LRP8: variants seen among roughly 807,000 people sequenced by gnomAD.
LRP8 encodes the protein LDL receptor related protein 8, also known as low-density lipoprotein receptor-related protein 8.
A neutral mutation model predicts 111.6 loss-of-function variants in LRP8; 46 were observed. The ratio of observed to expected loss-of-function variants is 0.41; its 90% CI spans 0.33 to 0.53. LRP8 has a LOEUF of 0.53. LRP8 is among the 20% of genes least tolerant of loss of function. The probability of loss-of-function intolerance (pLI) is 0.20; values close to 1 mark genes in which losing one functional copy is unlikely to be tolerated. For missense variants in LRP8, 959 were observed against 1,297.4 expected (o/e 0.74, Z 4.01); for synonymous variants, 464 against 511.2 (o/e 0.91, Z 1.24).
intron 8 of LRP8, among the ~76,000 whole-genome samples, chr1:53,269,530 G>A (rs1421186518): frequency 1.3e-5 from 2 of 151,916 alleles, no homozygotes; most frequent in Non-Finnish European, 2.9e-5. Context: ...GCCCAGACTA[G>A]TCTTGAACTC....
chr1:53,264,479 C>T, intron 9 of LRP8, 83 bp from the exon 10 acceptor site: 1 of 1,082,246 alleles, frequency 9.2e-7, no homozygotes, highest in Non-Finnish European at 1.4e-6. Context: ...CTTCCCCTCT[C>T]TTCCATCTGG....
At chr1:53,282,764 C>T (rs1314096291) in intron 3 of LRP8, among the ~76,000 whole-genome samples, 1 of 152,126 alleles carries the variant, frequency 6.6e-6, no homozygotes, top group East Asian at 1.9e-4. Context: ...TATTTGGGAA[C>T]CCCTGGGTTG....
chr1:53,265,823 T>C (rs1238058833), intron 9 of LRP8, among the ~76,000 whole-genome samples: 1 of 152,244 alleles, frequency 6.6e-6, no homozygotes, highest in African/African-American at 2.4e-5. Context: ...AGAAAGGACA[T>C]GACTGCCTGA....
At chr1:53,272,013 G>A (rs1044624188) in intron 6 of LRP8, among the ~76,000 whole-genome samples, 1 of 151,906 alleles carries the variant, frequency 6.6e-6, no homozygotes, top group East Asian at 1.9e-4. Flanking sequence ...TCTGGACAGG[G>A]CCCAGAGCTA....
chr1:53,248,525 G>C (rs906908497), intron 18 of LRP8, among the ~76,000 whole-genome samples: 1 of 152,210 alleles, frequency 6.6e-6, no homozygotes, highest in African/African-American at 2.4e-5. Flanking sequence ...TTGAATTCTG[G>C]TTCTGCCACT....
At position 53,260,516 on chromosome 1, in the gene LRP8, G is replaced by A. The variant is rs757752881; in HGVS notation, c.2004C>T (p.Asn668=). 6.2e-7 allele frequency: 1 copy of A among 1,614,216 alleles called. No homozygotes were observed. Among genetic ancestry groups the A allele is most frequent in the Admixed American group, 1.7e-5 (1 of 60,032 alleles). The change falls in exon 13 of 19, where the codon AAC becomes AAT. Residue 668 remains asparagine (N), a synonymous_variant. Coordinates refer to ENST00000306052, the MANE Select transcript of LRP8 (RefSeq NM_004631.5). ...TGACAATGTCATGTGGGTTGTTGAG[G>A]TTCTCAGCCAGGATGGAGATTTCCA... ...NGLEISILAE[N]LNNPHDIVIF... is the part of the protein sequence containing the mutation.
intron 2 of LRP8, among the ~76,000 whole-genome samples, 179 bp downstream of exon 2, chr1:53,326,694 G>T (rs1655173228): frequency 6.6e-6 from 1 of 152,194 alleles, no homozygotes; most frequent in African/African-American, 2.4e-5. Flanking sequence ...GCTCCGGGTC[G>T]CTAAGAGCCA....
At chr1:53,274,813 G>A (rs1428094789) in intron 6 of LRP8, 1 of 456,344 alleles carries the variant, frequency 2.2e-6, no homozygotes, top group Non-Finnish European at 4.4e-6. Context: ...GACCCTCACA[G>A]GGTGACTCTG....
chr1:53,259,544 C>T (rs903919700), intron 13 of LRP8, among the ~76,000 whole-genome samples: 14 of 151,982 alleles, frequency 9.2e-5, no homozygotes, highest in African/African-American at 3.4e-4. Context: ...GACACCTAGG[C>T]TCAAAGAGAA....
chr1:53,248,945 A>G (rs115906127), intron 18 of LRP8, among the ~76,000 whole-genome samples: 60 of 152,380 alleles, frequency 3.9e-4, no homozygotes, highest in African/African-American at 1.4e-3. Context: ...GTGAGCAGAA[A>G]GAAGTGACTG....
chr1:53,265,490 C>T (rs1475725635), intron 9 of LRP8, among the ~76,000 whole-genome samples: 1 of 152,178 alleles, frequency 6.6e-6, no homozygotes, highest in African/African-American at 2.4e-5. Context: ...TGAAACCTCC[C>T]AAGCCAAAAA....
chr1:53,291,062 G>A (rs1648657318), intron 2 of LRP8, among the ~76,000 whole-genome samples: 1 of 152,160 alleles, frequency 6.6e-6, no homozygotes, highest in South Asian at 2.1e-4. Context: ...CGGAGGTCTG[G>A]ATTTGAGACA....
In LRP8 at chr1:53,278,755, CTT is replaced by C. The variant is rs139298983; in HGVS notation, c.497-1679_497-1678del. The stretch of plus-strand genomic sequence containing the variant: ...TTTCTGGGAGTTCTGATGGGAAGTG[CTT>C]TTTTTTTTTTTTTTTTAATTTTCTT... On this transcript the variant is annotated intron_variant, in intron 4 of 18. Coordinates refer to ENST00000306052, the MANE Select transcript of LRP8 (RefSeq NM_004631.5). Among the ~76,000 whole-genome samples, 318 of 135,650 alleles carry C rather than the reference CTT, an allele frequency of 2.3e-3. 3 individuals carry two copies. The highest frequency in any genetic ancestry group is 7.0e-3 in the African/African-American group (250 of 35,702). The allele number at this position is 135,650 out of a possible 152,430, so 89.0% of individuals were successfully genotyped here. A position where few individuals can be genotyped will look rare whatever the true frequency, so the allele number is the denominator to read the frequency against.
At chr1:53,253,805 C>T (rs551522158) in intron 16 of LRP8, among the ~76,000 whole-genome samples, 53 of 152,322 alleles carry the variant, frequency 3.5e-4, no homozygotes, top group Non-Finnish European at 5.1e-4. Flanking sequence ...TTCTACCATC[C>T]CTTCACAAGA....
rs529979718 is a variant in LRP8 at position 53,255,381 on chromosome 1, ATT to A, written c.2435-198_2435-197del. On this transcript the variant is annotated intron_variant, in intron 15 of 18. Coordinates refer to ENST00000306052, the MANE Select transcript of LRP8 (RefSeq NM_004631.5). ...GGCAAGCAGGACAGAGGTTATCTCC[ATT>A]TTACAGGCAAGGAAACTGAGTCTTA... 9.2e-5 allele frequency among the ~76,000 whole-genome samples: 14 copies of A among 152,250 alleles called. No homozygotes were observed. The South Asian group carries it at 2.9e-3, about 32-fold the overall frequency.
rs549507345 is a variant in LRP8 at position 53,250,747 on chromosome 1, T to G, written c.2619A>C (p.Glu873Asp). 7.4e-6 allele frequency: 12 copies of G among 1,613,862 alleles called. No homozygotes were observed. The highest frequency in any genetic ancestry group is 3.3e-4 in the Middle Eastern group (2 of 6,060). ...TCCCTATATGGAGCTCATCTTCGTCTTCTTCTTCTGTTGTTTTCCTGTAGA... is the reference window on the plus strand; with the variant it reads ...TCCCTATATGGAGCTCATCTTCGTCGTCTTCTTCTGTTGTTTTCCTGTAGA... ...NPVYRKTTEE[E>D]DEDELHIGRT... Residue 873 changes from glutamate (E) to aspartate (D), a missense_variant, in exon 17 of 19, where the codon GAA becomes GAC. Physicochemically the swap from Glu to Asp is conservative, Grantham distance 45. This residue lies in a region of LRP8 where 819 missense variants were observed against 1,097.6 expected (regional missense o/e 0.75). Transcript: ENST00000306052. This position sits in a 1 kb window ranked among gnomAD's most constrained non-coding sequence, Gnocchi z 4.6.
At chr1:53,301,656 G>A (rs181777063) in intron 2 of LRP8, among the ~76,000 whole-genome samples, 8 of 152,082 alleles carry the variant, frequency 5.3e-5, no homozygotes, top group Admixed American at 6.5e-5. Flanking sequence ...GCTTGAGCCC[G>A]GGAGGTTGAG....
In LRP8 at chr1:53,328,036, CGCT is replaced by C. The variant is rs1250947282; in HGVS notation, c.-127_-125del. On this transcript the variant is annotated 5_prime_UTR_variant, in exon 1 of 19. Transcript: ENST00000306052. ...CTGCCCCCGCCGCCGCCGCCGCCGC[CGCT>C]GCCGCCCGCCCCGGCTCCTCGGCTG... is the stretch of plus-strand genomic sequence containing the variant. 963 of 391,842 alleles carry C rather than the reference CGCT, an allele frequency of 2.5e-3. 3 individuals carry two copies. The highest frequency in any genetic ancestry group is 2.6e-3 in the Non-Finnish European group (757 of 290,038). The allele number at this position is 391,842 out of a possible 1,614,324, so 24.3% of individuals were successfully genotyped here.
At chr1:53,320,936 G>T (rs1037167715) in intron 2 of LRP8, among the ~76,000 whole-genome samples, 1 of 152,196 alleles carries the variant, frequency 6.6e-6, no homozygotes, top group East Asian at 1.9e-4. Context: ...CCACTTAATG[G>T]TCATGACATT....
Sources: allele counts gnomAD v4.1 joint callset (sites outside exome capture counted in the v4.1 genomes callset), GRCh38; gene constraint gnomAD v4.1.1; regional missense constraint gnomAD v4.1.1; non-coding constraint Gnocchi (gnomAD v3.1); transcripts MANE v1.5; gene names NCBI Gene and HGNC (gene_info 2026-07-23, HGNC 2026-07-21).